SLC16A10: variants seen among roughly 807,000 people sequenced by gnomAD.
SLC16A10 encodes the protein solute carrier family 16 member 10.
SLC16A10 carries 27 observed loss-of-function variants against 40.0 expected under a neutral mutation model. The ratio of observed to expected loss-of-function variants is 0.67; its 90% CI spans 0.50 to 0.93. The LOEUF (loss-of-function observed/expected upper bound fraction) is 0.93, where lower values mean the gene tolerates loss of function less well. SLC16A10 is among the 40% of genes least tolerant of loss of function. The pLI is 0.00. For missense variants in SLC16A10, 529 were observed against 658.2 expected, an observed-to-expected ratio of 0.80 and a Z score of 2.15; for synonymous variants, 213 against 249.8, an observed-to-expected ratio of 0.85 and a Z score of 1.39.
chr6:111,135,764 C>T (rs1280680458), intron 1 of SLC16A10, among the ~76,000 whole-genome samples: 7 of 152,226 alleles, frequency 4.6e-5, no homozygotes, highest in Non-Finnish European at 7.3e-5. Flanking sequence ...CTTTGGTATG[C>T]GGATGATTTA....
intron 1 of SLC16A10, among the ~76,000 whole-genome samples, chr6:111,090,049 T>C (rs1329722322): frequency 6.6e-6 from 1 of 150,534 alleles, no homozygotes; most frequent in African/African-American, 2.5e-5. Context: ...AAAGTTCTAA[T>C]TGGCTACACA....
intron 1 of SLC16A10, among the ~76,000 whole-genome samples, chr6:111,132,855 TC>T (rs1434741134): frequency 6.6e-6 from 1 of 152,182 alleles, no homozygotes; most frequent in Non-Finnish European, 1.5e-5. Flanking sequence ...ATAGGGAAAC[TC>T]TTGTAGAAGC....
rs556545357 is a variant in SLC16A10, at chr6:111,215,951, G to A, written c.1087-2863G>A. Among the ~76,000 whole-genome samples the A allele has an allele frequency of 6.6e-5, 10 of 152,116 alleles. 1 individual carries two copies. In the South Asian group the frequency reaches 1.5e-3, roughly 22 times the overall value. ...GTTGAGGCTGCAGTGAGCTATGATCGCACCACTGCATTCCAGCCTGGGCAA... is the reference window on the plus strand; with the variant it reads ...GTTGAGGCTGCAGTGAGCTATGATCACACCACTGCATTCCAGCCTGGGCAA... On this transcript the variant is annotated intron_variant, in intron 4 of 5. Transcript: ENST00000368851.
intron 3 of SLC16A10, among the ~76,000 whole-genome samples, chr6:111,203,337 CTT>C (rs1214381825): frequency 6.6e-6 from 1 of 152,148 alleles, no homozygotes; most frequent in Non-Finnish European, 1.5e-5. Context: ...ACCAAAGAAA[CTT>C]TTTTAGTTTG....
intron 1 of SLC16A10, among the ~76,000 whole-genome samples, chr6:111,140,933 G>A (rs1007484780): frequency 1.3e-5 from 2 of 152,126 alleles, no homozygotes; most frequent in African/African-American, 4.8e-5. Context: ...CTACAGACAT[G>A]TGCCACCAAA....
rs186381275 is a variant in SLC16A10, at chr6:111,133,246, G to A, written c.344-39449G>A. ...TCAGTGAGTGCAACTAATCTGATAA[G>A]CAGAGGTCCATGGGTGGTTACACAC... On this transcript the variant is annotated intron_variant, in intron 1 of 5. Coordinates refer to ENST00000368851, the MANE Select transcript of SLC16A10 (RefSeq NM_018593.5). 1.4e-4 allele frequency among the ~76,000 whole-genome samples: 21 copies of A among 152,292 alleles called. No individual in the cohort carries two copies. The East Asian group carries it at 4.0e-3, about 29-fold the overall frequency.
chr6:111,123,505 C>T (rs1323828005), intron 1 of SLC16A10, among the ~76,000 whole-genome samples: 3 of 152,336 alleles, frequency 2.0e-5, no homozygotes, highest in African/African-American at 7.2e-5. Context: ...TATTAGTCCA[C>T]TTCCTCAGTG....
intron 1 of SLC16A10, among the ~76,000 whole-genome samples, chr6:111,107,375 G>A (rs1294344741): frequency 6.6e-6 from 1 of 152,144 alleles, no homozygotes; most frequent in African/African-American, 2.4e-5. Flanking sequence ...CAAATTTATG[G>A]TGGTGCTTGG....
At chr6:111,185,963 A>C (rs567096256) in intron 3 of SLC16A10, among the ~76,000 whole-genome samples, 69 of 151,704 alleles carry the variant, frequency 4.5e-4, no homozygotes, top group African/African-American at 1.6e-3. Flanking sequence ...GCAGGGGTGC[A>C]ATCACACCTC....
chr6:111,168,706 C>T (rs537594739), intron 1 of SLC16A10, among the ~76,000 whole-genome samples: 1 of 152,284 alleles, frequency 6.6e-6, no homozygotes, highest in South Asian at 2.1e-4. Flanking sequence ...TTGCCAATTA[C>T]TATTGTAACA....
intron 1 of SLC16A10, among the ~76,000 whole-genome samples, chr6:111,109,503 G>A (rs1771347123): frequency 6.7e-6 from 1 of 148,522 alleles, no homozygotes; most frequent in African/African-American, 2.5e-5. Flanking sequence ...CATCCAGGCT[G>A]GAGTGCAGTG....
chr6:111,154,333 T>C (rs185286863), intron 1 of SLC16A10, among the ~76,000 whole-genome samples: 1 of 152,298 alleles, frequency 6.6e-6, no homozygotes, highest in African/African-American at 2.4e-5. Context: ...AATAGTAGGA[T>C]AGGAGTAGAA....
At chr6:111,219,792 T>C (rs765476066) in intron 5 of SLC16A10, among the ~76,000 whole-genome samples, 2 of 152,064 alleles carry the variant, frequency 1.3e-5, no homozygotes, top group Non-Finnish European at 2.9e-5. Context: ...ACATAAAAGG[T>C]GACGTGGCTG....
chr6:111,203,700 C>T (rs1044393577), intron 3 of SLC16A10, among the ~76,000 whole-genome samples: 9 of 128,522 alleles, frequency 7.0e-5, no homozygotes, highest in South Asian at 2.7e-4. Flanking sequence ...CCAGCCTGGG[C>T]GACAGCGAAA....
Position 111,182,310 on chromosome 6 carries a change from CT to C in SLC16A10, c.942+4667del, listed in dbSNP as rs372963281. 3.7e-4 allele frequency among the ~76,000 whole-genome samples: 38 copies of C among 103,630 alleles called. 1 individual carries two copies. The highest frequency in any genetic ancestry group is 1.1e-3 in the African/African-American group (31 of 27,246). 68.0% of individuals were successfully genotyped at this position (103,630 alleles called of 152,430 possible). On this transcript the variant is annotated intron_variant, in intron 3 of 5. Transcript: ENST00000368851. ...GCCACCACGCCTGGCCTCTGGGTTT[CT>C]TTTTTTTTTTTTTTTTTTTTTCCTT...
At chr6:111,175,705 A>ATTT (rs35809166) in intron 2 of SLC16A10, among the ~76,000 whole-genome samples, 1 of 144,798 alleles carries the variant, frequency 6.9e-6, no homozygotes, top group Admixed American at 6.9e-5. Context: ...GCAGAACCAC[A>ATTT]TTTTTTTTTT....
chr6:111,118,636 GCACCACTGCAC>G (rs1771530366), intron 1 of SLC16A10, among the ~76,000 whole-genome samples: 3 of 136,622 alleles, frequency 2.2e-5, no homozygotes, highest in African/African-American at 8.4e-5. Flanking sequence ...AGCCAAGATC[GCACCACTGCAC>G]CCCAGCCTGG....
chr6:111,168,146 AT>A (rs1772513211), intron 1 of SLC16A10, among the ~76,000 whole-genome samples: 1 of 151,926 alleles, frequency 6.6e-6, no homozygotes, highest in Non-Finnish European at 1.5e-5. Flanking sequence ...CACCCAGCTA[AT>A]TTTTGTATTT....
At chr6:111,097,069 A>G (rs1222090492) in intron 1 of SLC16A10, among the ~76,000 whole-genome samples, 2 of 152,006 alleles carry the variant, frequency 1.3e-5, no homozygotes, top group African/African-American at 4.8e-5. Context: ...TGATCCTCCA[A>G]CCTCAGGCTC....
Sources: allele counts gnomAD v4.1 joint callset (sites outside exome capture counted in the v4.1 genomes callset), GRCh38; gene constraint gnomAD v4.1.1; transcripts MANE v1.5; gene names NCBI Gene and HGNC (gene_info 2026-07-23, HGNC 2026-07-21).